PIK3R5: variants seen among roughly 807,000 people sequenced by gnomAD.
The protein encoded by PIK3R5 is phosphoinositide 3-kinase regulatory subunit 5.
A neutral mutation model predicts 94.9 loss-of-function variants in PIK3R5; 32 were observed. The observed-to-expected ratio is 0.34, with a 90% confidence interval of 0.25 to 0.45. The LOEUF (loss-of-function observed/expected upper bound fraction) is 0.45, where lower values mean the gene tolerates loss of function less well. Among genes scored for constraint, PIK3R5 ranks in the 20% least tolerant of loss-of-function variants. The pLI, the probability that PIK3R5 is intolerant of heterozygous loss-of-function variation, is 1.00. For synonymous variants in PIK3R5, 443 were observed against 479.4 expected (o/e 0.92, Z 0.99); for missense variants, 853 against 1,144.6 (o/e 0.75, Z 3.68).
Position 8,888,545 on chromosome 17 carries a change from G to A in PIK3R5, c.1242C>T (p.His414=), listed in dbSNP as rs139885994. 4.3e-6 allele frequency: 7 copies of A among 1,611,938 alleles called. No individual in the cohort carries two copies. The African/African-American group carries it at 9.3e-5, about 21-fold the overall frequency. Residue 414 remains histidine, a synonymous_variant, in exon 10 of 19, where the codon CAC becomes CAT. Transcript: ENST00000447110. The surrounding 1 kb of genome is among the most constrained non-coding windows in gnomAD (Gnocchi z 7.8). The part of the protein sequence containing the change: ...WRRGSQERRG[H]RRPGQKFIRI... ...TGATGAACTTCTGCCCAGGCCTGCG[G>A]TGGCCTCGGCGTTCCTGGCTGCCAC... is the stretch of plus-strand genomic sequence containing the variant.
chr17:8,902,763 G>A (rs556011894), intron 5 of PIK3R5, among the ~76,000 whole-genome samples: 1 of 151,492 alleles, frequency 6.6e-6, no homozygotes, highest in South Asian at 2.1e-4. Flanking sequence ...TTGTGGTCTT[G>A]TCTTCTACAC....
At chr17:8,949,517 A>C (rs532491086) in intron 1 of PIK3R5, among the ~76,000 whole-genome samples, 47 of 152,334 alleles carry the variant, frequency 3.1e-4, no homozygotes, top group African/African-American at 1.1e-3. Flanking sequence ...GATGTATAAG[A>C]GACAGAGACA....
intron 1 of PIK3R5, among the ~76,000 whole-genome samples, chr17:8,912,198 T>C (rs373794967): frequency 6.6e-5 from 10 of 152,124 alleles, no homozygotes; most frequent in East Asian, 3.9e-4. Context: ...AGAGGGAATT[T>C]CAGGAGGGTT....
At position 8,884,471 on chromosome 17, in the gene PIK3R5, G is replaced by C. The variant is rs1045343157; in HGVS notation, c.2205+236C>G. 1.3e-5 allele frequency among the ~76,000 whole-genome samples: 2 copies of C among 152,146 alleles called. No homozygotes were observed. The highest frequency in any genetic ancestry group is 3.9e-4 in the East Asian group (2 of 5,178). On this transcript the variant is annotated intron_variant, in intron 15 of 18. Coordinates refer to ENST00000447110, the MANE Select transcript of PIK3R5 (RefSeq NM_001142633.3). The surrounding 1 kb of genome is among the most constrained non-coding windows in gnomAD (Gnocchi z 5.8). ...CCCTACCCCTGGGCTGCTGCTGAGCGCATTCGGGTGGGGGCAGAGAACATG... is the reference window on the plus strand; with the variant it reads ...CCCTACCCCTGGGCTGCTGCTGAGCCCATTCGGGTGGGGGCAGAGAACATG...
intron 1 of PIK3R5, among the ~76,000 whole-genome samples, chr17:8,946,185 C>T (rs1189137696): frequency 6.6e-6 from 1 of 151,846 alleles, no homozygotes; most frequent in African/African-American, 2.4e-5. Context: ...GTATCTGGAA[C>T]ATACACATCT....
intron 1 of PIK3R5, among the ~76,000 whole-genome samples, chr17:8,957,729 T>C (rs535029192): frequency 6.6e-6 from 1 of 152,164 alleles, no homozygotes; most frequent in African/African-American, 2.4e-5. Flanking sequence ...CTCTCGGGCA[T>C]GAGCCTGGGA....
intron 1 of PIK3R5, among the ~76,000 whole-genome samples, chr17:8,943,803 C>T (rs1411260437): frequency 6.6e-6 from 1 of 151,924 alleles, no homozygotes; most frequent in Non-Finnish European, 1.5e-5. Context: ...AAGAAACATT[C>T]TCCAACCTTC....
At position 8,909,911 on chromosome 17, in the gene PIK3R5, C is replaced by T. The variant is rs1200503942; in HGVS notation, c.104-737G>A. On this transcript the variant is annotated intron_variant, in intron 2 of 18. Transcript: ENST00000447110. This position sits in a 1 kb window ranked among gnomAD's most constrained non-coding sequence, Gnocchi z 4.3. ...AGAGAGGAGCCACGGTGAGTTCCAT[C>T]CCAAGACGCAAGACTGAGTCTACAG... 1.3e-5 allele frequency among the ~76,000 whole-genome samples: 2 copies of T among 152,176 alleles called. No homozygotes were observed. The highest frequency in any genetic ancestry group is 2.9e-5 in the Non-Finnish European group (2 of 68,030).
intron 3 of PIK3R5, among the ~76,000 whole-genome samples, chr17:8,908,080 C>T (rs892435149): frequency 3.3e-5 from 5 of 152,172 alleles, no homozygotes; most frequent in Non-Finnish European, 7.3e-5. Flanking sequence ...ATACAACCTA[C>T]CACACCACAT....
At chr17:8,899,001 A>T (rs1351812268) in intron 5 of PIK3R5, among the ~76,000 whole-genome samples, 1 of 152,230 alleles carries the variant, frequency 6.6e-6, no homozygotes, top group African/African-American at 2.4e-5. Context: ...AGCGGTTTGC[A>T]TGTAAGATGC....
intron 1 of PIK3R5, among the ~76,000 whole-genome samples, chr17:8,920,476 G>A (rs1032718351): frequency 6.6e-6 from 1 of 152,202 alleles, no homozygotes; most frequent in Non-Finnish European, 1.5e-5. Context: ...AGTAGAATCT[G>A]AGCCTGGAAC....
intron 12 of PIK3R5, among the ~76,000 whole-genome samples, chr17:8,886,862 C>T (rs553257145): frequency 1.3e-5 from 2 of 152,214 alleles, no homozygotes; most frequent in African/African-American, 2.4e-5. Context: ...AATCTGAGGT[C>T]CCCCGGACCC....
At position 8,945,149 on chromosome 17, in the gene PIK3R5, C is replaced by T. The variant is rs765537773; in HGVS notation, c.-14+20447G>A. Among the ~76,000 whole-genome samples the T allele has an allele frequency of 6.6e-6, 1 of 152,120 alleles. No homozygotes were observed. Among genetic ancestry groups the T allele is most frequent in the Non-Finnish European group, 1.5e-5 (1 of 68,016 alleles). On this transcript the variant is annotated intron_variant, in intron 1 of 18. Coordinates refer to ENST00000447110, the MANE Select transcript of PIK3R5 (RefSeq NM_001142633.3). The surrounding 1 kb of genome is among the most constrained non-coding windows in gnomAD (Gnocchi z 4.0). Reference sequence around the variant, plus strand: ...GCCAAACCCTGGCTCGGCCCCTCACCCCACTTCGAAGAGGGGATCTACATC... The same window carrying T: ...GCCAAACCCTGGCTCGGCCCCTCACTCCACTTCGAAGAGGGGATCTACATC...
chr17:8,880,849 C>T (rs2089637130), intron 18 of PIK3R5, 56 bp downstream of exon 18: 3 of 1,613,340 alleles, frequency 1.9e-6, no homozygotes, highest in East Asian at 2.2e-5. Flanking sequence ...TCCTTCCAGG[C>T]CTCTGGGTTG....
rs1464277554 is a variant in PIK3R5 at position 8,888,354 on chromosome 17, G to A, written c.1433C>T (p.Ser478Phe). ...GGTACCGAGTTTGGGCTGGGGCAGG[G>A]AGCGGGAGCGCTGGGCCCGGGAAGG... is the stretch of plus-strand genomic sequence containing the variant. ...SPPSRAQRSR[S>F]LPQPKLGTQL... The change falls in exon 10 of 19, where the codon TCC (serine) becomes TTC (phenylalanine). Residue 478 changes from serine to phenylalanine, a missense_variant. This residue lies in a region of PIK3R5 where 319 missense variants were observed against 339.8 expected (regional missense o/e 0.94). Coordinates refer to ENST00000447110, the MANE Select transcript of PIK3R5 (RefSeq NM_001142633.3). The surrounding 1 kb of genome is among the most constrained non-coding windows in gnomAD (Gnocchi z 7.8). 1.1e-5 allele frequency: 17 copies of A among 1,611,238 alleles called. No homozygotes were observed. The highest frequency in any genetic ancestry group is 1.4e-5 in the Non-Finnish European group (16 of 1,179,408).
At position 8,885,940 on chromosome 17, in the gene PIK3R5, G is replaced by A. The variant is rs552605236; in HGVS notation, c.2128+289C>T. ...TACCGGACAACCCCGCCTCCCCATG[G>A]CCCTGCCTCCTAGGTAACCCCGCCC... On this transcript the variant is annotated intron_variant, in intron 14 of 18. Coordinates refer to ENST00000447110, the MANE Select transcript of PIK3R5 (RefSeq NM_001142633.3). 3.7e-3 allele frequency among the ~76,000 whole-genome samples: 553 copies of A among 148,044 alleles called. 3 individuals carry two copies. The highest frequency in any genetic ancestry group is 0.013 in the African/African-American group (512 of 39,394).
intron 5 of PIK3R5, among the ~76,000 whole-genome samples, chr17:8,898,913 T>A (rs1398589134): frequency 6.6e-6 from 1 of 152,220 alleles, no homozygotes; most frequent in African/African-American, 2.4e-5. Context: ...CATTTTATAA[T>A]GAGAAGAATA....
At position 8,890,427 on chromosome 17, in the gene PIK3R5, C is replaced by T. The variant is rs181928303; in HGVS notation, c.658-301G>A. On this transcript the variant is annotated intron_variant, in intron 7 of 18. Transcript: ENST00000447110. The surrounding 1 kb of genome is among the most constrained non-coding windows in gnomAD (Gnocchi z 6.1). ...GGGTGACACAGCCGACCTGTGACACCTGTGACAGAGCCAGGCCTAGATGCC... is the reference window on the plus strand; with the variant it reads ...GGGTGACACAGCCGACCTGTGACACTTGTGACAGAGCCAGGCCTAGATGCC... 6.6e-5 allele frequency among the ~76,000 whole-genome samples: 10 copies of T among 152,302 alleles called. No individual in the cohort carries two copies. The highest frequency in any genetic ancestry group is 2.2e-4 in the African/African-American group (9 of 41,548).
At chr17:8,914,812 C>T (rs1037279142) in intron 1 of PIK3R5, among the ~76,000 whole-genome samples, 12 of 152,228 alleles carry the variant, frequency 7.9e-5, no homozygotes, top group African/African-American at 2.9e-4. Flanking sequence ...GTGGAACAAA[C>T]GTGGGGCCTG....
Sources: allele counts gnomAD v4.1 joint callset (sites outside exome capture counted in the v4.1 genomes callset), GRCh38; gene constraint gnomAD v4.1.1; regional missense constraint gnomAD v4.1.1; non-coding constraint Gnocchi (gnomAD v3.1); transcripts MANE v1.5; gene names NCBI Gene and HGNC (gene_info 2026-07-23, HGNC 2026-07-21).